SESTD1: variants seen among roughly 807,000 people sequenced by gnomAD.
SESTD1 encodes the protein SEC14 domain and spectrin repeat-containing protein 1.
A neutral mutation model predicts 101.7 loss-of-function variants in SESTD1; 43 were observed. The ratio of observed to expected loss-of-function variants is 0.42; its 90% CI spans 0.33 to 0.55. The LOEUF is 0.55. Among genes scored for constraint, SESTD1 ranks in the 20% least tolerant of loss-of-function variants. SESTD1 has a pLI of 0.07. For missense variants in SESTD1, 647 were observed against 815.1 expected (o/e 0.79, Z 2.51); for synonymous variants, 283 against 286.8 (o/e 0.99, Z 0.13).
intron 13 of SESTD1, among the ~76,000 whole-genome samples, chr2:179,121,281 T>G (rs2044744931): frequency 6.6e-6 from 1 of 152,158 alleles, no homozygotes; most frequent in African/African-American, 2.4e-5. Flanking sequence ...AAGAATCTTT[T>G]GAATTCCTAG....
intron 1 of SESTD1, among the ~76,000 whole-genome samples, chr2:179,225,202 C>A (rs1480834404): frequency 6.6e-6 from 1 of 152,096 alleles, no homozygotes; most frequent in African/African-American, 2.4e-5. Context: ...GGAAAATTTC[C>A]ACACATTCTG....
In SESTD1 at chr2:179,107,257, C is replaced by T. The variant is rs1238923672; in HGVS notation, c.*2642G>A. 1 of 152,122 alleles carries T rather than the reference C, an allele frequency of 6.6e-6. No individual in the cohort carries two copies. The highest frequency in any genetic ancestry group is 1.5e-5 in the Non-Finnish European group (1 of 68,016). The allele number at this position is 152,122 out of a possible 1,614,324, so 9.4% of individuals were successfully genotyped here. Reference sequence around the variant, plus strand: ...TCATTCATAACTCTATGTACAGATACACATATGAAAGCAGCAGCAAATTTA... The same window carrying T: ...TCATTCATAACTCTATGTACAGATATACATATGAAAGCAGCAGCAAATTTA... On this transcript the variant is annotated 3_prime_UTR_variant, in exon 18 of 18. Transcript: ENST00000428443.
intron 4 of SESTD1, chr2:179,174,264 T>C (rs989330324): frequency 2.8e-5 from 10 of 361,066 alleles, no homozygotes; most frequent in Non-Finnish European, 5.5e-5. Context: ...AATGACTTCA[T>C]ATGTAGAAAC....
intron 13 of SESTD1, among the ~76,000 whole-genome samples, chr2:179,119,759 T>C (rs570642016): frequency 3.9e-5 from 6 of 152,308 alleles, no homozygotes; most frequent in African/African-American, 1.4e-4. Context: ...GAGATCTGGT[T>C]GTTTAAAAGT....
intron 9 of SESTD1, among the ~76,000 whole-genome samples, chr2:179,135,955 T>C (rs750031796): frequency 5.3e-5 from 8 of 152,226 alleles, no homozygotes; most frequent in Non-Finnish European, 8.8e-5. Flanking sequence ...ACATCCACTT[T>C]TTCTGCTTTA....
chr2:179,174,439 G>C (rs1258572806), intron 4 of SESTD1: 1 of 468,952 alleles, frequency 2.1e-6, no homozygotes, highest in Non-Finnish European at 4.4e-6. Flanking sequence ...AGTTCAAACA[G>C]CAAGTCCCAA....
rs1247511826 is a variant in SESTD1, at chr2:179,200,858, A to G, written c.-25-8992T>C. ...AGGCATTACCATTCAGGACATAGGC[A>G]TGGGCAAGGACTTCATGTCTAAAAC... On this transcript the variant is annotated intron_variant, in intron 1 of 17. Transcript: ENST00000428443. Among the ~76,000 whole-genome samples the G allele has an allele frequency of 9.7e-5, 13 of 134,502 alleles. 3 individuals carry two copies. Among genetic ancestry groups the G allele is most frequent in the African/African-American group, 3.8e-4 (13 of 33,832 alleles). 88.2% of individuals were successfully genotyped at this position (134,502 alleles called of 152,430 possible).
At position 179,191,774 on chromosome 2, in the gene SESTD1, G is replaced by C; in HGVS notation, c.55+13C>G. 3.1e-6 allele frequency: 5 copies of C among 1,607,740 alleles called. No individual in the cohort carries two copies. Among genetic ancestry groups the C allele is most frequent in the Non-Finnish European group, 4.3e-6 (5 of 1,176,120 alleles). On this transcript the variant is annotated intron_variant, in intron 2 of 17. Transcript: ENST00000428443. The stretch of plus-strand genomic sequence containing the variant: ...GTATATCAAACACTTCAAATTTTAA[G>C]AAGAAATCATACCTGAAAGGAAGGC...
chr2:179,195,703 C>CT (rs1435427090), intron 1 of SESTD1, among the ~76,000 whole-genome samples: 11 of 152,256 alleles, frequency 7.2e-5, no homozygotes, highest in African/African-American at 1.9e-4. Flanking sequence ...GAAACCTTAA[C>CT]TTCCCAACAA....
At chr2:179,257,050 T>C (rs2047407106) in intron 1 of SESTD1, among the ~76,000 whole-genome samples, 1 of 152,126 alleles carries the variant, frequency 6.6e-6, no homozygotes, top group Non-Finnish European at 1.5e-5. Flanking sequence ...CAGCATCTCA[T>C]GCCACAGAGA....
chr2:179,153,905 A>G (rs1183704064), intron 5 of SESTD1, among the ~76,000 whole-genome samples: 1 of 152,096 alleles, frequency 6.6e-6, no homozygotes, highest in East Asian at 1.9e-4. Flanking sequence ...TACTGACACA[A>G]AAGAAATAAT....
chr2:179,110,012 C>T lies in SESTD1; in HGVS notation c.1978G>A (p.Gly660Arg). The change falls in exon 18 of 18, where the codon GGG becomes AGG. Residue 660 changes from glycine to arginine, a missense_variant. Transcript: ENST00000428443. ...VYPDGTEQYFGSPSDMASTAE... is the reference protein window; with the variant it reads ...VYPDGTEQYFRSPSDMASTAE... ...GTAGAAGCCATGTCACTTGGACTCC[C>T]AAAATATTGTTCGGTTCTAAAAATC... 1 of 1,613,226 alleles carries T rather than the reference C, an allele frequency of 6.2e-7. No individual in the cohort carries two copies. The highest frequency in any genetic ancestry group is 1.1e-5 in the South Asian group (1 of 90,990).
At chr2:179,135,931 G>C (rs2045133668) in intron 9 of SESTD1, among the ~76,000 whole-genome samples, 1 of 152,148 alleles carries the variant, frequency 6.6e-6, no homozygotes, top group Non-Finnish European at 1.5e-5. Context: ...GAGTGCAATG[G>C]TTTTTTCCTC....
rs2044376739 is a variant in SESTD1, at chr2:179,106,113, T to C, written c.*3786A>G. On this transcript the variant is annotated 3_prime_UTR_variant, in exon 18 of 18. Coordinates refer to ENST00000428443, the MANE Select transcript of SESTD1 (RefSeq NM_178123.5). ...CAATAAGTCTACTAATTAGGTTAAC[T>C]GCTTAGCTATGTTCCAGCCATGTTT... 6.7e-6 allele frequency: 1 copy of C among 148,800 alleles called. No homozygotes were observed. 9.2% of individuals were successfully genotyped at this position (148,800 alleles called of 1,614,324 possible).
Position 179,132,375 on chromosome 2 carries a change from C to A in SESTD1, c.901G>T (p.Gly301Cys). The change falls in exon 10 of 18, where the codon GGC becomes TGC. Residue 301 changes from glycine to cysteine, a missense_variant. By Grantham distance (159) the Gly-to-Cys change is radical. Coordinates refer to ENST00000428443, the MANE Select transcript of SESTD1 (RefSeq NM_178123.5). ...PGSEQLRAQW[G>C]IGDSIRASQA... is the part of the protein sequence containing the mutation. Reference sequence around the variant, plus strand: ...GAGGCCCTAATGGAGTCTCCAATGCCCCACTGGGCTCTTAGTTGTTCTGAT... The same window carrying A: ...GAGGCCCTAATGGAGTCTCCAATGCACCACTGGGCTCTTAGTTGTTCTGAT... 6.4e-7 allele frequency: 1 copy of A among 1,567,870 alleles called. No homozygotes were observed. Among genetic ancestry groups the A allele is most frequent in the Non-Finnish European group, 8.6e-7 (1 of 1,165,576 alleles).
Position 179,254,797 on chromosome 2 carries a change from T to C in SESTD1, c.-26+9702A>G, listed in dbSNP as rs188967259. Among the ~76,000 whole-genome samples, 197 of 152,354 alleles carry C rather than the reference T, an allele frequency of 1.3e-3. 1 individual carries two copies. Among genetic ancestry groups the C allele is most frequent in the African/African-American group, 4.4e-3 (184 of 41,582 alleles). On this transcript the variant is annotated intron_variant, in intron 1 of 17. Coordinates refer to ENST00000428443, the MANE Select transcript of SESTD1 (RefSeq NM_178123.5). ...GCATATCTCACTTTAATACACTTTA[T>C]TGTGCTTTGCAGATATTGTATTTTT...
At chr2:179,199,388 T>C (rs1158004146) in intron 1 of SESTD1, among the ~76,000 whole-genome samples, 2 of 152,200 alleles carry the variant, frequency 1.3e-5, no homozygotes, top group Non-Finnish European at 2.9e-5. Context: ...AAGGAGGAAC[T>C]GGGACCATTC....
chr2:179,186,018 G>A, intron 2 of SESTD1, among the ~76,000 whole-genome samples: 1 of 141,690 alleles, frequency 7.1e-6, no homozygotes, highest in Non-Finnish European at 1.5e-5. Flanking sequence ...ATACAATATA[G>A]TATATTACAT....
intron 13 of SESTD1, among the ~76,000 whole-genome samples, chr2:179,118,822 T>C (rs2044690306): frequency 6.6e-6 from 1 of 152,212 alleles, no homozygotes. Context: ...AGTACTATTA[T>C]AAAGCTATTT....
Sources: allele counts gnomAD v4.1 joint callset (sites outside exome capture counted in the v4.1 genomes callset), GRCh38; gene constraint gnomAD v4.1.1; transcripts MANE v1.5; gene names NCBI Gene and HGNC (gene_info 2026-07-23, HGNC 2026-07-21).